ATF7IP: variants seen among roughly 807,000 people sequenced by gnomAD.
The protein encoded by ATF7IP is activating transcription factor 7-interacting protein 1.
Under a neutral mutation model 106.4 loss-of-function variants are expected in ATF7IP, and 23 were observed. The observed-to-expected ratio is 0.22, with a 90% confidence interval of 0.16 to 0.31. ATF7IP has a LOEUF of 0.31. Ranked by LOEUF, ATF7IP falls within the 10% of genes least tolerant of loss-of-function variation. ATF7IP has a pLI of 1.00. For missense variants in ATF7IP, 1,334 were observed against 1,524.3 expected (o/e 0.88, Z 2.08); for synonymous variants, 542 against 539.0 (o/e 1.01, Z -0.08).
At chr12:14,397,306 G>C (rs1170115926) in intron 1 of ATF7IP, among the ~76,000 whole-genome samples, 1 of 152,202 alleles carries the variant, frequency 6.6e-6, no homozygotes, top group Admixed American at 6.5e-5. Context: ...CCTAAAAAGT[G>C]TTTGTGTTCC....
rs1944683947 is a variant in ATF7IP at position 14,488,041 on chromosome 12, T to A, written c.3280+6856T>A. On this transcript the variant is annotated intron_variant, in intron 13 of 14. Coordinates refer to ENST00000261168, the MANE Select transcript of ATF7IP (RefSeq NM_018179.5). ...TACTAGAAGTAGAGTCCTTAGCATTTGTGGGTCTAATCATATTAAGCAGCC... is the reference window on the plus strand; with the variant it reads ...TACTAGAAGTAGAGTCCTTAGCATTAGTGGGTCTAATCATATTAAGCAGCC... 2.0e-5 allele frequency among the ~76,000 whole-genome samples: 3 copies of A among 152,110 alleles called. No homozygotes were observed. In the South Asian group the frequency reaches 6.2e-4, roughly 31 times the overall value.
chr12:14,458,052 C>T (rs1943497666), intron 8 of ATF7IP, among the ~76,000 whole-genome samples: 1 of 151,678 alleles, frequency 6.6e-6, no homozygotes, highest in South Asian at 2.1e-4. Context: ...GCCGAGATCA[C>T]GCCACTGCAC....
At chr12:14,375,731 A>AAT in intron 1 of ATF7IP, among the ~76,000 whole-genome samples, 1 of 152,334 alleles carries the variant, frequency 6.6e-6, no homozygotes, top group East Asian at 1.9e-4. Context: ...GTGAGGGTTA[A>AAT]ATATGATTAG....
At chr12:14,454,541 T>C (rs973671053) in intron 6 of ATF7IP, among the ~76,000 whole-genome samples, 4 of 152,214 alleles carry the variant, frequency 2.6e-5, no homozygotes, top group Non-Finnish European at 4.4e-5. Context: ...ATGTAGAAGC[T>C]GTGTTGGGAG....
At chr12:14,402,685 T>C (rs1248377956) in intron 1 of ATF7IP, among the ~76,000 whole-genome samples, 1 of 151,196 alleles carries the variant, frequency 6.6e-6, no homozygotes, top group Non-Finnish European at 1.5e-5. Context: ...GTTGGCTCAC[T>C]ACAACCTCTG....
At chr12:14,416,685 A>G (rs1402299024) in intron 1 of ATF7IP, among the ~76,000 whole-genome samples, 1 of 152,180 alleles carries the variant, frequency 6.6e-6, no homozygotes, top group African/African-American at 2.4e-5. Context: ...TTATATTCCT[A>G]ATGTTTCCAT....
At position 14,478,334 on chromosome 12, in the gene ATF7IP, C is replaced by T. The variant is rs1485499190; in HGVS notation, c.2959C>T (p.His987Tyr). The T allele has an allele frequency of 6.2e-7, 1 of 1,613,798 alleles. No homozygotes were observed. The highest frequency in any genetic ancestry group is 8.5e-7 in the Non-Finnish European group (1 of 1,179,772). Residue 987 changes from histidine to tyrosine, a missense_variant, in exon 12 of 15, where the codon CAC becomes TAC. Physicochemically the swap from His to Tyr is moderately conservative, Grantham distance 83 (BLOSUM62 2). Around this residue, in one of 10 missense-constraint regions of ATF7IP, gnomAD observed 370 missense variants for 401.2 expected, o/e 0.92. Transcript: ENST00000261168. ...GASQDPKKLN[H>Y]TPVSTMSSSQ... The stretch of plus-strand genomic sequence containing the variant: ...ACTAACAGACCCCAAAAAACTAAAT[C>T]ACACTCCTGTATCAACCATGAGTTC...
At chr12:14,390,161 A>T (rs1388685404) in intron 1 of ATF7IP, among the ~76,000 whole-genome samples, 1 of 152,174 alleles carries the variant, frequency 6.6e-6, no homozygotes, top group Non-Finnish European at 1.5e-5. Flanking sequence ...TACGTATTTG[A>T]TAGTTTATTG....
intron 1 of ATF7IP, among the ~76,000 whole-genome samples, chr12:14,422,475 A>G (rs1053971743): frequency 2.6e-5 from 4 of 152,198 alleles, no homozygotes; most frequent in South Asian, 2.1e-4. Flanking sequence ...ACAGAGCTGT[A>G]TAATCATCAC....
chr12:14,373,925 A>C (rs996468085), intron 1 of ATF7IP, among the ~76,000 whole-genome samples: 4 of 152,064 alleles, frequency 2.6e-5, no homozygotes, highest in Non-Finnish European at 5.9e-5. Context: ...TTTAAAACTC[A>C]GTGTAGTATT....
At chr12:14,481,234 C>T (rs1357574577) in intron 13 of ATF7IP, 49 bp downstream of exon 13, 2 of 1,596,412 alleles carry the variant, frequency 1.3e-6, no homozygotes, top group African/African-American at 1.3e-5. Flanking sequence ...TAGTTCTCTT[C>T]AGCATTTAGT....
intron 1 of ATF7IP, among the ~76,000 whole-genome samples, chr12:14,420,892 A>G (rs986936833): frequency 3.3e-5 from 5 of 152,222 alleles, no homozygotes; most frequent in Admixed American, 1.3e-4. Context: ...ATTCTACCAT[A>G]TCATTCCTAC....
At chr12:14,405,307 A>G (rs539943326) in intron 1 of ATF7IP, among the ~76,000 whole-genome samples, 35 of 152,236 alleles carry the variant, frequency 2.3e-4, no homozygotes, top group Non-Finnish European at 4.7e-4. Flanking sequence ...ATAACCAGCA[A>G]TCTTGCTCTG....
At chr12:14,485,139 T>C (rs985745401) in intron 13 of ATF7IP, among the ~76,000 whole-genome samples, 2 of 152,094 alleles carry the variant, frequency 1.3e-5, no homozygotes, top group African/African-American at 2.4e-5. Flanking sequence ...CTGGGTCCTA[T>C]GGTCCAAGTG....
chr12:14,429,822 T>G (rs1242539979), intron 2 of ATF7IP, among the ~76,000 whole-genome samples: 1 of 152,228 alleles, frequency 6.6e-6, no homozygotes, highest in Non-Finnish European at 1.5e-5. Context: ...TTCACTAGTG[T>G]GCAAGTTGCA....
chr12:14,368,373 T>C (rs1373716285), intron 1 of ATF7IP, among the ~76,000 whole-genome samples: 3 of 152,080 alleles, frequency 2.0e-5, no homozygotes, highest in Non-Finnish European at 4.4e-5. Flanking sequence ...TATTATAATA[T>C]CCCACATGAT....
At chr12:14,430,844 T>C (rs998018740) in intron 2 of ATF7IP, among the ~76,000 whole-genome samples, 1 of 152,238 alleles carries the variant, frequency 6.6e-6, no homozygotes, top group Admixed American at 6.5e-5. Context: ...ATTGCACTTA[T>C]TTGTTTACAT....
At chr12:14,466,624 C>T (rs1943843882) in intron 10 of ATF7IP, 34 bp downstream of exon 10, 1 of 1,465,076 alleles carries the variant, frequency 6.8e-7, no homozygotes, top group East Asian at 2.3e-5. Flanking sequence ...AAGTAAAATC[C>T]TAATTATGGT....
intron 1 of ATF7IP, among the ~76,000 whole-genome samples, chr12:14,371,164 A>G (rs527930896): frequency 6.6e-6 from 1 of 152,208 alleles, no homozygotes; most frequent in South Asian, 2.1e-4. Flanking sequence ...TCTACTTTAT[A>G]TCTTTTAAAT....
Sources: gnomAD v4.1 joint callset for allele counts (sites outside exome capture counted in the v4.1 genomes callset) on GRCh38, gnomAD v4.1.1 for gene constraint, gnomAD v4.1.1 regional missense constraint, MANE v1.5 for transcripts, NCBI Gene and HGNC (gene_info 2026-07-23, HGNC 2026-07-21) for gene names.